CPQ: variants seen among roughly 807,000 people sequenced by gnomAD.
CPQ encodes the protein Ser-Met dipeptidase.
A neutral mutation model predicts 45.7 loss-of-function variants in CPQ; 37 were observed. The observed-to-expected ratio is 0.81, with a 90% CI of 0.62 to 1.07. The LOEUF (loss-of-function observed/expected upper bound fraction) is 1.07. Among genes scored for constraint, CPQ ranks in the 50% least tolerant of loss-of-function variants. The pLI, the probability that CPQ is intolerant of heterozygous loss-of-function variation, is 0.00. For synonymous variants in CPQ, 186 were observed against 205.8 expected, an observed-to-expected ratio of 0.90 and a Z score of 0.82; for missense variants, 537 against 572.9, an observed-to-expected ratio of 0.94 and a Z score of 0.64.
chr8:96,896,318 A>C (rs1468789414), intron 4 of CPQ, among the ~76,000 whole-genome samples: 1 of 152,142 alleles, frequency 6.6e-6, no homozygotes, highest in Non-Finnish European at 1.5e-5. Context: ...CTGTAAGATA[A>C]TAGCCAGTAG....
At chr8:96,814,624 T>C (rs1161646532) in intron 2 of CPQ, among the ~76,000 whole-genome samples, 1 of 152,192 alleles carries the variant, frequency 6.6e-6, no homozygotes, top group East Asian at 1.9e-4. Flanking sequence ...TGAGCCATAA[T>C]TTTTTCATTC....
At chr8:96,742,666 G>A (rs1364778499) in intron 1 of CPQ, among the ~76,000 whole-genome samples, 2 of 151,952 alleles carry the variant, frequency 1.3e-5, no homozygotes, top group African/African-American at 4.8e-5. Flanking sequence ...TTTAGGGCAG[G>A]CCTGGTGGTG....
At chr8:96,965,595 T>A (rs1358153102) in intron 4 of CPQ, among the ~76,000 whole-genome samples, 1 of 152,104 alleles carries the variant, frequency 6.6e-6, no homozygotes, top group Non-Finnish European at 1.5e-5. Context: ...GGTCTTGATC[T>A]CCTGACCTCG....
At chr8:96,979,006 T>A (rs550176076) in intron 5 of CPQ, among the ~76,000 whole-genome samples, 4 of 150,966 alleles carry the variant, frequency 2.6e-5, no homozygotes, top group Non-Finnish European at 5.9e-5. Context: ...TGGCTTCACA[T>A]GGATAGAGGC....
chr8:97,009,877 C>A (rs1428343804), intron 5 of CPQ, among the ~76,000 whole-genome samples: 4 of 152,142 alleles, frequency 2.6e-5, no homozygotes, highest in African/African-American at 9.7e-5. Context: ...TCTGTGATTT[C>A]TATAAGTAAC....
chr8:96,864,710 A>G (rs1408700459), intron 3 of CPQ, among the ~76,000 whole-genome samples: 2 of 152,092 alleles, frequency 1.3e-5, no homozygotes, highest in Non-Finnish European at 2.9e-5. Context: ...TTAAATAAAT[A>G]TCTTTATTTC....
chr8:96,708,040 C>T (rs1809555780), intron 1 of CPQ, among the ~76,000 whole-genome samples: 1 of 151,984 alleles, frequency 6.6e-6, no homozygotes, highest in Admixed American at 6.6e-5. Context: ...GGAGAGAGTC[C>T]ATTTTCTTTT....
At chr8:96,975,885 A>G (rs1202270911) in intron 5 of CPQ, among the ~76,000 whole-genome samples, 1 of 152,008 alleles carries the variant, frequency 6.6e-6, no homozygotes. Flanking sequence ...ATAACATTAT[A>G]CTGAATAGGG....
chr8:96,849,879 C>T (rs534437462), intron 3 of CPQ, among the ~76,000 whole-genome samples: 60 of 152,256 alleles, frequency 3.9e-4, no homozygotes, highest in African/African-American at 1.3e-3. Flanking sequence ...GCTGGATGAA[C>T]CCTTATACAT....
chr8:96,891,151 G>A (rs997661340), intron 4 of CPQ, among the ~76,000 whole-genome samples: 16 of 152,232 alleles, frequency 1.1e-4, no homozygotes, highest in African/African-American at 3.9e-4. Flanking sequence ...CATAGAGTGA[G>A]TGTCTTGGTC....
At chr8:96,872,483 T>C (rs1812084985) in intron 3 of CPQ, among the ~76,000 whole-genome samples, 1 of 151,976 alleles carries the variant, frequency 6.6e-6, no homozygotes, top group Admixed American at 6.6e-5. Flanking sequence ...AATAACTTCT[T>C]ACAGTAATTT....
chr8:96,956,234 C>T (rs16895152), intron 4 of CPQ, among the ~76,000 whole-genome samples: 5,870 of 152,224 alleles, frequency 0.039, 287 homozygotes, highest in African/African-American at 0.11. Flanking sequence ...TTCTCTCCAG[C>T]AGGTCTATCT....
chr8:96,700,775 G>A (rs940124459), intron 1 of CPQ, among the ~76,000 whole-genome samples: 3 of 152,182 alleles, frequency 2.0e-5, no homozygotes, highest in Non-Finnish European at 2.9e-5. Flanking sequence ...GAGGTACAGA[G>A]GACACAGAGA....
At chr8:97,006,789 A>T (rs1230005716) in intron 5 of CPQ, among the ~76,000 whole-genome samples, 1 of 152,190 alleles carries the variant, frequency 6.6e-6, no homozygotes, top group African/African-American at 2.4e-5. Context: ...CTGGTCACAG[A>T]ACATCGGGGG....
chr8:96,658,887 T>C (rs1815666704), intron 1 of CPQ, among the ~76,000 whole-genome samples: 1 of 152,246 alleles, frequency 6.6e-6, no homozygotes, highest in African/African-American at 2.4e-5. Context: ...GATGCAGTCC[T>C]GCCGATACCT....
chr8:96,964,702 T>TTCC (rs1440297223), intron 4 of CPQ, among the ~76,000 whole-genome samples: 5 of 152,108 alleles, frequency 3.3e-5, no homozygotes, highest in African/African-American at 1.2e-4. Context: ...TAGTGACATG[T>TTCC]TTAACTCAAA....
intron 1 of CPQ, among the ~76,000 whole-genome samples, chr8:96,776,525 C>A: frequency 6.6e-6 from 1 of 152,112 alleles, no homozygotes; most frequent in East Asian, 1.9e-4. Context: ...TTTGTCTATT[C>A]GCTCTGGCAT....
chr8:96,754,068 C>T (rs117447662), intron 1 of CPQ, among the ~76,000 whole-genome samples: 3,915 of 151,970 alleles, frequency 0.026, 85 homozygotes, highest in Non-Finnish European at 0.037. Context: ...GTAATCCCTA[C>T]TTGATTATGC....
intron 1 of CPQ, among the ~76,000 whole-genome samples, chr8:96,767,450 TCTC>T (rs1372041383): frequency 3.3e-5 from 5 of 151,096 alleles, no homozygotes; most frequent in African/African-American, 4.9e-5. Flanking sequence ...CCAGTTCTCC[TCTC>T]CTCTTTTACT....
Sources: gnomAD v4.1 joint callset for allele counts (sites outside exome capture counted in the v4.1 genomes callset) on GRCh38, gnomAD v4.1.1 for gene constraint, MANE v1.5 for transcripts, NCBI Gene and HGNC (gene_info 2026-07-23, HGNC 2026-07-21) for gene names.